The following THSD7B variants were observed in gnomAD, a reference collection of about 807,000 sequenced individuals.
THSD7B encodes thrombospondin type-1 domain-containing protein 7B.
In THSD7B, 138 loss-of-function variants were observed where a neutral mutation model predicts 213.6. That is an observed-to-expected ratio of 0.65 (90% CI 0.56 to 0.74). The LOEUF (loss-of-function observed/expected upper bound fraction) is 0.74. Among genes scored for constraint, THSD7B ranks in the 30% least tolerant of loss-of-function variants. The probability of loss-of-function intolerance (pLI) is 0.00; values close to 1 mark genes in which losing one functional copy is unlikely to be tolerated. For missense variants in THSD7B, 1,931 were observed against 1,991.5 expected, an observed-to-expected ratio of 0.97 and a Z score of 0.58; for synonymous variants, 742 against 687.0, an observed-to-expected ratio of 1.08 and a Z score of -1.25.
Position 137,642,521 on chromosome 2 carries a change from C to G in THSD7B, c.3833C>G (p.Pro1278Arg). Residue 1278 changes from proline to arginine, a missense_variant, in exon 21 of 28, where the codon CCA (proline) becomes CGA (arginine). Coordinates refer to ENST00000409968, the MANE Select transcript of THSD7B (RefSeq NM_001316349.2). ...RMSRTRFIIMPTQGEGRPCPT... is the reference protein window; with the variant it reads ...RMSRTRFIIMRTQGEGRPCPT... ...AGCCGGACTCGATTTATCATTATGC[C>G]AACCCAAGGAGAAGGACGGCCATGC... is the stretch of plus-strand genomic sequence containing the variant. 1 of 1,613,794 alleles carries G rather than the reference C, an allele frequency of 6.2e-7. No homozygotes were observed. Among genetic ancestry groups the G allele is most frequent in the Non-Finnish European group, 8.5e-7 (1 of 1,179,834 alleles).
intron 2 of THSD7B, among the ~76,000 whole-genome samples, chr2:136,915,738 G>C (rs2105028498): frequency 6.6e-6 from 1 of 152,314 alleles, no homozygotes; most frequent in East Asian, 1.9e-4. Context: ...AAGGTGCCAA[G>C]GTTCAAACCC....
At chr2:137,580,343 G>T (rs186973842) in intron 17 of THSD7B, among the ~76,000 whole-genome samples, 4 of 152,012 alleles carry the variant, frequency 2.6e-5, no homozygotes, top group African/African-American at 9.7e-5. Flanking sequence ...ATTGGTTAGT[G>T]CAAATGTCTG....
At chr2:137,532,946 A>G (rs1224209555) in intron 15 of THSD7B, among the ~76,000 whole-genome samples, 1 of 151,350 alleles carries the variant, frequency 6.6e-6, no homozygotes, top group Non-Finnish European at 1.5e-5. Context: ...CCATACATAT[A>G]TATACCATAC....
intron 12 of THSD7B, among the ~76,000 whole-genome samples, chr2:137,399,037 C>T (rs1166312025): frequency 2.4e-4 from 36 of 152,150 alleles, no homozygotes; most frequent in African/African-American, 5.8e-4. Context: ...GCACGGTGCG[C>T]GCACCCACTG....
intron 15 of THSD7B, among the ~76,000 whole-genome samples, chr2:137,559,069 A>T (rs190924247): frequency 6.6e-6 from 1 of 152,346 alleles, no homozygotes; most frequent in East Asian, 1.9e-4. Flanking sequence ...GAAAGAGGAC[A>T]CAAACAAATG....
intron 20 of THSD7B, among the ~76,000 whole-genome samples, chr2:137,641,662 A>T (rs374361432): frequency 6.6e-6 from 1 of 152,320 alleles, no homozygotes; most frequent in South Asian, 2.1e-4. Context: ...TCACTATTCC[A>T]CCTGATGAGC....
intron 1 of THSD7B, among the ~76,000 whole-genome samples, chr2:136,830,567 T>C (rs1293443369): frequency 6.6e-6 from 1 of 152,242 alleles, no homozygotes; most frequent in African/African-American, 2.4e-5. Context: ...ATGGGGATAC[T>C]GTAATGTTTT....
chr2:136,830,460 T>C (rs1454612637), intron 1 of THSD7B, among the ~76,000 whole-genome samples: 5 of 152,138 alleles, frequency 3.3e-5, no homozygotes, highest in Admixed American at 2.0e-4. Context: ...TCTTGGGGGT[T>C]CTTTTCTTCT....
At chr2:136,850,289 G>C (rs1683078345) in intron 1 of THSD7B, among the ~76,000 whole-genome samples, 1 of 110,590 alleles carries the variant, frequency 9.0e-6, no homozygotes, top group Non-Finnish European at 1.8e-5. Context: ...TTTCTGAATG[G>C]TTTTTTAGGT....
intron 12 of THSD7B, among the ~76,000 whole-genome samples, chr2:137,324,825 A>T (rs139268094): frequency 5.2e-4 from 79 of 152,386 alleles, no homozygotes; most frequent in East Asian, 9.6e-4. Flanking sequence ...ATTAGGAAGG[A>T]GGACAAAATC....
intron 14 of THSD7B, among the ~76,000 whole-genome samples, chr2:137,427,944 A>G (rs1573619805): frequency 6.6e-6 from 1 of 152,268 alleles, no homozygotes; most frequent in East Asian, 1.9e-4. Flanking sequence ...AATGTTGTAT[A>G]CTTTAAGCAT....
chr2:137,256,763 A>T lies in THSD7B; in HGVS notation c.2266+14191A>T, dbSNP rs116461969. ...TGGAAACCAGTGGAAAAATTAGGGG[A>T]CCATTCAATTATCTGGGCAAGAAAT... On this transcript the variant is annotated intron_variant, in intron 10 of 27. Transcript: ENST00000409968. 5.9e-3 allele frequency among the ~76,000 whole-genome samples: 906 copies of T among 152,276 alleles called. 9 individuals carry two copies. The highest frequency in any genetic ancestry group is 0.02 in the African/African-American group (823 of 41,558).
chr2:137,067,688 G>A (rs1480822503), intron 3 of THSD7B, among the ~76,000 whole-genome samples: 1 of 152,024 alleles, frequency 6.6e-6, no homozygotes, highest in African/African-American at 2.4e-5. Context: ...GGTAAGACAG[G>A]AAGGCTAGAA....
In THSD7B at chr2:137,060,307, G is replaced by T. The variant is rs551323228; in HGVS notation, c.950+3077G>T. Reference sequence around the variant, plus strand: ...TTTGCAAATATTTTTGACAGTCTATGATTTGTGTTTTCATTTTCTTGATGG... The same window carrying T: ...TTTGCAAATATTTTTGACAGTCTATTATTTGTGTTTTCATTTTCTTGATGG... On this transcript the variant is annotated intron_variant, in intron 3 of 27. Coordinates refer to ENST00000409968, the MANE Select transcript of THSD7B (RefSeq NM_001316349.2). 2.5e-4 allele frequency among the ~76,000 whole-genome samples: 38 copies of T among 151,916 alleles called. No homozygotes were observed. In the South Asian group the frequency reaches 6.8e-3, roughly 27 times the overall value.
chr2:137,168,464 T>C (rs1680177349), intron 6 of THSD7B, among the ~76,000 whole-genome samples: 1 of 152,172 alleles, frequency 6.6e-6, no homozygotes, highest in Admixed American at 6.6e-5. Context: ...GTTTTTGTTT[T>C]ATGCTGAGCT....
At chr2:137,655,748 C>G (rs1288288762) in intron 22 of THSD7B, 88 bp downstream of exon 22, 13 of 1,379,120 alleles carry the variant, frequency 9.4e-6, no homozygotes, top group East Asian at 2.6e-5. Context: ...TCTAGCTCAT[C>G]AAAATTAAAG....
At chr2:137,512,989 A>C (rs1040310969) in intron 15 of THSD7B, among the ~76,000 whole-genome samples, 1 of 152,120 alleles carries the variant, frequency 6.6e-6, no homozygotes, top group Admixed American at 6.5e-5. Flanking sequence ...GATAATATCA[A>C]AAGTTATCAA....
At chr2:137,024,066 T>G (rs1019766239) in intron 2 of THSD7B, among the ~76,000 whole-genome samples, 1 of 152,154 alleles carries the variant, frequency 6.6e-6, no homozygotes. Context: ...TGAAATGACA[T>G]CCATTTGTTG....
At chr2:136,964,102 G>A (rs28754458) in intron 2 of THSD7B, among the ~76,000 whole-genome samples, 11,025 of 152,194 alleles carry the variant, frequency 0.072, 633 homozygotes, top group African/African-American at 0.15. Context: ...GATACCACGG[G>A]ATTCCCACAG....
Sources: gnomAD v4.1 joint callset for allele counts (sites outside exome capture counted in the v4.1 genomes callset) on GRCh38, gnomAD v4.1.1 for gene constraint, MANE v1.5 for transcripts, NCBI Gene and HGNC (gene_info 2026-07-23, HGNC 2026-07-21) for gene names.